Variants in SLC2A5 observed in about 807,000 individuals in gnomAD.
SLC2A5 encodes solute carrier family 2 member 5, also known as solute carrier family 2, facilitated glucose transporter member 5.
SLC2A5 carries 56 observed loss-of-function variants against 50.3 expected under a neutral mutation model. The observed-to-expected ratio is 1.11, with a 90% CI of 0.90 to 1.39. SLC2A5 has a LOEUF of 1.39. Ranked by LOEUF, SLC2A5 falls within the 40% of genes most tolerant of loss-of-function variation. The pLI, the probability that SLC2A5 is intolerant of heterozygous loss-of-function variation, is 0.00. For missense variants in SLC2A5, 566 were observed against 650.1 expected (o/e 0.87, Z 1.41); for synonymous variants, 269 against 281.9 (o/e 0.95, Z 0.46).
chr1:9,071,923 T>C, upstream of SLC2A5: 1 of 159,782 alleles, frequency 6.3e-6, no homozygotes, highest in South Asian at 1.7e-4. Flanking sequence ...TCAGCCCGGG[T>C]CCCCCTCGGC....
rs1641115319 is a variant in SLC2A5 at position 9,035,343 on chromosome 1, C to G, written c.*2243G>C. 1 of 152,302 alleles carries G rather than the reference C, an allele frequency of 6.6e-6. No homozygotes were observed. Among genetic ancestry groups the G allele is most frequent in the South Asian group, 2.1e-4 (1 of 4,834 alleles). The allele number at this position is 152,302 out of a possible 1,614,324, so 9.4% of individuals were successfully genotyped here. A position where few individuals can be genotyped will look rare whatever the true frequency, so the allele number is the denominator to read the frequency against. ...ATTCTGACCTGGCCTCTCCTCAGCT[C>G]TGAGAGCCTTCATCTTTGGTTGTTT... On this transcript the variant is annotated 3_prime_UTR_variant, in exon 12 of 12. Coordinates refer to ENST00000377424, the MANE Select transcript of SLC2A5 (RefSeq NM_003039.3).
intron 1 of SLC2A5, among the ~76,000 whole-genome samples, chr1:9,061,880 T>A (rs948865948): frequency 6.6e-6 from 1 of 152,140 alleles, no homozygotes; most frequent in African/African-American, 2.4e-5. Flanking sequence ...ACCGCTTTGA[T>A]GGGATCCCAG....
Position 9,069,530 on chromosome 1 carries a change from G to T in SLC2A5, c.7C>A (p.Gln3Lys). ME[Q>K]QDQSMKEGRL... The stretch of plus-strand genomic sequence containing the variant: ...CCTTCCTTCATGCTCTGATCCTGTT[G>T]CTCCATGCTTGCTCTGGAAGGGCAG... Residue 3 changes from glutamine (Q) to lysine (K), a missense_variant, in exon 1 of 12, where the codon CAA (glutamine) becomes AAA (lysine). By Grantham distance (53) the Gln-to-Lys change is moderately conservative. Transcript: ENST00000377424. 5 of 1,614,058 alleles carry T rather than the reference G, an allele frequency of 3.1e-6. No individual in the cohort carries two copies. Among genetic ancestry groups the T allele is most frequent in the Non-Finnish European group, 4.2e-6 (5 of 1,180,024 alleles).
chr1:9,044,557 T>G (rs1016378380), intron 4 of SLC2A5, among the ~76,000 whole-genome samples: 14 of 152,046 alleles, frequency 9.2e-5, no homozygotes, highest in African/African-American at 3.1e-4. Context: ...TGTGTTGGTT[T>G]GTTTGTTTTG....
chr1:9,080,685 C>A (rs1214949094), intron 2 of SLC2A5, among the ~76,000 whole-genome samples: 1 of 152,174 alleles, frequency 6.6e-6, no homozygotes, highest in African/African-American at 2.4e-5. Flanking sequence ...TCTTTGACCA[C>A]AGAAAATGAG....
chr1:9,062,601 G>A (rs1250835654), intron 1 of SLC2A5, among the ~76,000 whole-genome samples: 2 of 152,110 alleles, frequency 1.3e-5, no homozygotes, highest in Non-Finnish European at 2.9e-5. Flanking sequence ...GCTGGGCACA[G>A]TGGCTCACAC....
At chr1:9,085,874 G>A (rs1276175950) in intron 1 of SLC2A5, among the ~76,000 whole-genome samples, 1 of 152,194 alleles carries the variant, frequency 6.6e-6, no homozygotes, top group Non-Finnish European at 1.5e-5. Context: ...GCAAATCCTG[G>A]GAGTTCTGCT....
intron 1 of SLC2A5, among the ~76,000 whole-genome samples, chr1:9,087,962 T>C (rs1414437549): frequency 6.6e-6 from 1 of 152,146 alleles, no homozygotes. Flanking sequence ...TAGTTTTTTA[T>C]TACAACACAG....
chr1:9,043,933 G>C (rs1641375427), intron 4 of SLC2A5, among the ~76,000 whole-genome samples: 1 of 151,396 alleles, frequency 6.6e-6, no homozygotes, highest in Non-Finnish European at 1.5e-5. Flanking sequence ...TGTTGGCAAG[G>C]CTGGTCCTGA....
At chr1:9,077,057 G>A (rs953480166) in intron 2 of SLC2A5, among the ~76,000 whole-genome samples, 1 of 150,870 alleles carries the variant, frequency 6.6e-6, no homozygotes, top group Non-Finnish European at 1.5e-5. Flanking sequence ...AAAGTGCTGG[G>A]ATTATAGGCA....
chr1:9,061,165 C>T (rs1641932562), intron 1 of SLC2A5, among the ~76,000 whole-genome samples: 2 of 151,036 alleles, frequency 1.3e-5, no homozygotes, highest in Non-Finnish European at 2.9e-5. Flanking sequence ...ACCTGTAATC[C>T]CAACTACTCA....
At chr1:9,069,758 G>A, upstream of SLC2A5, 2 of 587,080 alleles carry the variant, frequency 3.4e-6, no homozygotes, top group East Asian at 5.8e-5. Context: ...AAGTAAGTGG[G>A]TGCCCCCTGG....
At chr1:9,052,270 C>T (rs561783252) in intron 3 of SLC2A5, among the ~76,000 whole-genome samples, 1 of 151,868 alleles carries the variant, frequency 6.6e-6, no homozygotes, top group African/African-American at 2.4e-5. Context: ...GGTGACAGAG[C>T]GAGACTCCGT....
chr1:9,069,165 C>T (rs903494453), intron 1 of SLC2A5, among the ~76,000 whole-genome samples: 3 of 152,162 alleles, frequency 2.0e-5, no homozygotes, highest in Non-Finnish European at 2.9e-5. Context: ...GAAAGCAGAG[C>T]GAAACATCTC....
At chr1:9,084,954 T>A (rs12057692) in intron 2 of SLC2A5, 1 of 152,186 alleles carries the variant, frequency 6.6e-6, no homozygotes, top group African/African-American at 2.4e-5. Flanking sequence ...TTCCTGAATG[T>A]GGCGCATCAG....
chr1:9,044,856 T>G (rs1641398783), intron 4 of SLC2A5, among the ~76,000 whole-genome samples: 1 of 152,054 alleles, frequency 6.6e-6, no homozygotes, highest in Non-Finnish European at 1.5e-5. Flanking sequence ...CACCCGGCCA[T>G]ATGCGTGGTT....
At chr1:9,064,283 T>A (rs112239208) in intron 1 of SLC2A5, among the ~76,000 whole-genome samples, 2,404 of 152,168 alleles carry the variant, frequency 0.016, 67 homozygotes, top group African/African-American at 0.054. Flanking sequence ...AAAAAGAATT[T>A]GGTACTGGGC....
intron 4 of SLC2A5, among the ~76,000 whole-genome samples, chr1:9,043,274 A>T (rs1408133534): frequency 6.6e-6 from 1 of 152,166 alleles, no homozygotes; most frequent in Non-Finnish European, 1.5e-5. Context: ...GAACTGAGAT[A>T]GGAGGGTACC....
chr1:9,059,132 CTTTCTTTT>C (rs1359301029), intron 1 of SLC2A5, among the ~76,000 whole-genome samples: 27 of 80,360 alleles, frequency 3.4e-4, no homozygotes, highest in Middle Eastern at 6.2e-3. Flanking sequence ...AGCCGCCTTT[CTTTCTTTT>C]TTTTTTTTTT....
Sources: allele counts gnomAD v4.1 joint callset (sites outside exome capture counted in the v4.1 genomes callset), GRCh38; gene constraint gnomAD v4.1.1; transcripts MANE v1.5; gene names NCBI Gene and HGNC (gene_info 2026-07-23, HGNC 2026-07-21).